OPHN1: variants seen among roughly 807,000 people sequenced by gnomAD.
The protein encoded by OPHN1 is oligophrenin 1.
In OPHN1, 11 loss-of-function variants were observed where a neutral mutation model predicts 60.7. The observed-to-expected ratio is 0.18, with a 90% CI of 0.11 to 0.30. The LOEUF is 0.30. OPHN1 is among the 10% of genes least tolerant of loss of function. The pLI is 1.00. For synonymous variants in OPHN1, 226 were observed against 222.6 expected, an observed-to-expected ratio of 1.02 and a Z score of -0.14; for missense variants, 449 against 611.0, an observed-to-expected ratio of 0.73 and a Z score of 2.80.
intron 6 of OPHN1, among the ~76,000 whole-genome samples, chrX:68,215,355 C>T (rs561401170): frequency 6.3e-5 from 7 of 111,136 alleles, no homozygotes; most frequent in African/African-American, 9.8e-5. Flanking sequence ...TGTTAATATA[C>T]GTATTTTCAG....
intron 18 of OPHN1, among the ~76,000 whole-genome samples, chrX:68,107,322 T>C (rs753118645): frequency 2.1e-4 from 23 of 111,655 alleles, no homozygotes; most frequent in African/African-American, 7.2e-4. Context: ...TCCCACAACA[T>C]TGACTTTTTG....
chrX:68,091,057 A>G (rs2077015755), intron 19 of OPHN1, among the ~76,000 whole-genome samples: 1 of 111,156 alleles, frequency 9.0e-6, no homozygotes, highest in African/African-American at 3.3e-5. Flanking sequence ...AAAGAAAAGC[A>G]CAGCTCACAT....
intron 4 of OPHN1, among the ~76,000 whole-genome samples, chrX:68,281,682 G>C (rs1006380504): frequency 2.7e-5 from 3 of 112,098 alleles, no homozygotes; most frequent in Non-Finnish European, 5.6e-5. Flanking sequence ...TTGGATAAAG[G>C]TCTGGAATCT....
intron 6 of OPHN1, among the ~76,000 whole-genome samples, chrX:68,225,163 G>A (rs750773224): frequency 2.3e-4 from 26 of 111,902 alleles, no homozygotes; most frequent in South Asian, 7.5e-4. Context: ...AGGCAGCAGC[G>A]AGGCTGGGGG....
At chrX:68,323,051 G>A (rs903288525) in intron 2 of OPHN1, among the ~76,000 whole-genome samples, 2 of 111,295 alleles carry the variant, frequency 1.8e-5, no homozygotes, top group African/African-American at 6.5e-5. Context: ...ATATAAAGGG[G>A]TAGCATGAAG....
intron 2 of OPHN1, among the ~76,000 whole-genome samples, chrX:68,308,633 G>T (rs1569275238): frequency 1.8e-5 from 2 of 111,327 alleles, no homozygotes; most frequent in South Asian, 7.7e-4. Flanking sequence ...AAAAAGAAAA[G>T]AAAATAAATC....
In OPHN1 at chrX:68,348,871, T is replaced by C. The variant is rs183267807; in HGVS notation, c.155-49775A>G. Among the ~76,000 whole-genome samples, 135 of 111,296 alleles carry C rather than the reference T, an allele frequency of 1.2e-3. 1 individual carries two copies. Among genetic ancestry groups the C allele is most frequent in the African/African-American group, 4.3e-3 (131 of 30,716 alleles). On this transcript the variant is annotated intron_variant, in intron 2 of 24. Transcript: ENST00000355520. ...CCAGGCAGAGGAAACAGCAGATAAA[T>C]AGACAAGGAATCCAAAAGGAAATTA...
intron 9 of OPHN1, among the ~76,000 whole-genome samples, chrX:68,206,933 T>A (rs757035487): frequency 9.0e-6 from 1 of 110,644 alleles, no homozygotes; most frequent in Admixed American, 9.7e-5. Flanking sequence ...ATAAATTGTA[T>A]CACCATATAT....
chrX:68,343,380 C>T (rs1237614697), intron 2 of OPHN1, among the ~76,000 whole-genome samples: 3 of 108,632 alleles, frequency 2.8e-5, no homozygotes. Context: ...GTCAGGAGTT[C>T]GAGATGAGCC....
intron 20 of OPHN1, among the ~76,000 whole-genome samples, chrX:68,070,321 C>T (rs1602135932): frequency 9.0e-6 from 1 of 111,315 alleles, no homozygotes; most frequent in East Asian, 2.9e-4. Context: ...CAAATGGGAT[C>T]TTGAAGAATG....
At chrX:68,052,399 T>C (rs2076855807) in intron 23 of OPHN1, 141 bp downstream of exon 23, 3 of 562,398 alleles carry the variant, frequency 5.3e-6, no homozygotes, top group East Asian at 3.7e-5. Context: ...AGAGACAGAA[T>C]TGGGGAAGAG....
intron 19 of OPHN1, among the ~76,000 whole-genome samples, chrX:68,092,439 T>C (rs999852414): frequency 7.1e-5 from 8 of 112,263 alleles, no homozygotes; most frequent in Non-Finnish European, 1.5e-4. Context: ...GGGATTTCAT[T>C]TCATATCTCC....
At chrX:68,310,683 T>C in intron 2 of OPHN1, among the ~76,000 whole-genome samples, 1 of 111,736 alleles carries the variant, frequency 8.9e-6, no homozygotes, top group Middle Eastern at 4.6e-3. Flanking sequence ...TAGTAAAAAT[T>C]AGAATCCATA....
intron 15 of OPHN1, among the ~76,000 whole-genome samples, chrX:68,136,249 G>A (rs924971814): frequency 1.1e-4 from 12 of 107,598 alleles, no homozygotes; most frequent in Non-Finnish European, 1.9e-4. Flanking sequence ...AGTAAAAATG[G>A]CAGTGTTTAA....
intron 3 of OPHN1, among the ~76,000 whole-genome samples, chrX:68,296,102 A>G (rs1456414676): frequency 1.8e-5 from 2 of 111,386 alleles, no homozygotes; most frequent in Admixed American, 9.6e-5. Context: ...CGAAGCCTCC[A>G]GAGAGCCTCA....
intron 9 of OPHN1, 200 bp downstream of exon 9, chrX:68,209,953 C>A (rs1323091251): frequency 4.2e-6 from 2 of 476,652 alleles, no homozygotes; most frequent in African/African-American, 4.9e-5. Context: ...CACTACACAG[C>A]CTTTGTAAGA....
At chrX:68,329,215 G>A (rs919234237) in intron 2 of OPHN1, among the ~76,000 whole-genome samples, 10 of 112,501 alleles carry the variant, frequency 8.9e-5, no homozygotes. Context: ...ACTGTACCCA[G>A]CCTCAAATCT....
chrX:68,280,924 T>C (rs1275398596), intron 4 of OPHN1, among the ~76,000 whole-genome samples: 3 of 111,623 alleles, frequency 2.7e-5, no homozygotes, highest in Non-Finnish European at 5.6e-5. Flanking sequence ...AAAACTCTGA[T>C]GAAAAAAATC....
chrX:68,259,153 C>T (rs2077880961), intron 5 of OPHN1, among the ~76,000 whole-genome samples: 1 of 111,717 alleles, frequency 9.0e-6, no homozygotes, highest in Admixed American at 9.5e-5. Flanking sequence ...AAGCAAATGA[C>T]TCATCCATCA....
Sources: allele counts gnomAD v4.1 joint callset (sites outside exome capture counted in the v4.1 genomes callset), GRCh38; gene constraint gnomAD v4.1.1; transcripts MANE v1.5; gene names NCBI Gene and HGNC (gene_info 2026-07-23, HGNC 2026-07-21).